The following LDB2 variants were observed in gnomAD, a reference collection of about 807,000 sequenced individuals.
LDB2 encodes the protein LIM domain binding 2.
A neutral mutation model predicts 44.3 loss-of-function variants in LDB2; 12 were observed. That is an observed-to-expected ratio of 0.27 (90% CI 0.17 to 0.44). The LOEUF (loss-of-function observed/expected upper bound fraction) is 0.44. Among genes scored for constraint, LDB2 ranks in the 20% least tolerant of loss-of-function variants. The probability of loss-of-function intolerance (pLI) is 1.00; values close to 1 mark genes in which losing one functional copy is unlikely to be tolerated. For missense variants in LDB2, 344 were observed against 473.5 expected, an observed-to-expected ratio of 0.73 and a Z score of 2.54; for synonymous variants, 164 against 174.8, an observed-to-expected ratio of 0.94 and a Z score of 0.49.
intron 5 of LDB2, among the ~76,000 whole-genome samples, chr4:16,580,431 T>A (rs1330590452): frequency 6.6e-6 from 1 of 152,204 alleles, no homozygotes; most frequent in African/African-American, 2.4e-5. Context: ...AATTCTGGAA[T>A]GACCTGAAGT....
intron 2 of LDB2, among the ~76,000 whole-genome samples, chr4:16,629,525 CCTGCAG>C (rs1453948765): frequency 2.6e-5 from 4 of 152,018 alleles, no homozygotes; most frequent in Non-Finnish European, 5.9e-5. Flanking sequence ...CTCCAGCAGA[CCTGCAG>C]CTGAGGGGCC....
intron 1 of LDB2, among the ~76,000 whole-genome samples, chr4:16,811,985 C>T (rs1198475844): frequency 6.6e-6 from 1 of 152,192 alleles, no homozygotes; most frequent in African/African-American, 2.4e-5. Context: ...AATCCTGCCC[C>T]ATCAAATCTT....
intron 2 of LDB2, among the ~76,000 whole-genome samples, chr4:16,700,136 A>G (rs1753127872): frequency 6.6e-6 from 1 of 152,172 alleles, no homozygotes; most frequent in African/African-American, 2.4e-5. Flanking sequence ...CGACCCTCAC[A>G]TCAGCACTCA....
chr4:16,889,988 C>A (rs1389478897), intron 1 of LDB2, among the ~76,000 whole-genome samples: 15 of 152,128 alleles, frequency 9.9e-5, no homozygotes, highest in Admixed American at 9.2e-4. Context: ...TGATTACCTG[C>A]AAATAAAGCC....
chr4:16,630,685 G>A (rs2152494249), intron 2 of LDB2, among the ~76,000 whole-genome samples: 1 of 152,282 alleles, frequency 6.6e-6, no homozygotes, highest in African/African-American at 2.4e-5. Context: ...TGCTGTATCA[G>A]GAGATCCATC....
intron 2 of LDB2, among the ~76,000 whole-genome samples, chr4:16,726,037 A>G (rs1759381632): frequency 2.0e-5 from 3 of 150,832 alleles, no homozygotes; most frequent in Admixed American, 2.0e-4. Flanking sequence ...TGAATTGTTT[A>G]ACGTTTTCTT....
intron 1 of LDB2, among the ~76,000 whole-genome samples, chr4:16,829,291 A>G (rs1431327749): frequency 1.3e-5 from 2 of 152,202 alleles, no homozygotes; most frequent in Non-Finnish European, 2.9e-5. Flanking sequence ...TGTTAGCACC[A>G]TATGTTTAAG....
chr4:16,524,289 A>G, intron 5 of LDB2, among the ~76,000 whole-genome samples: 1 of 152,262 alleles, frequency 6.6e-6, no homozygotes, highest in African/African-American at 2.4e-5. Flanking sequence ...TTGGAGGGAG[A>G]GACAGGTGAT....
At chr4:16,583,716 G>A (rs369044293) in intron 5 of LDB2, among the ~76,000 whole-genome samples, 1 of 152,158 alleles carries the variant, frequency 6.6e-6, no homozygotes, top group African/African-American at 2.4e-5. Flanking sequence ...TTTGAGATCC[G>A]CTCAGCCATG....
chr4:16,679,757 G>A (rs1206968273), intron 2 of LDB2, among the ~76,000 whole-genome samples: 1 of 152,192 alleles, frequency 6.6e-6, no homozygotes, highest in African/African-American at 2.4e-5. Context: ...AGGAGCTGAT[G>A]TGAGTAAGGC....
At chr4:16,534,177 G>T (rs949237095) in intron 5 of LDB2, among the ~76,000 whole-genome samples, 9 of 152,118 alleles carry the variant, frequency 5.9e-5, no homozygotes, top group African/African-American at 1.9e-4. Flanking sequence ...GTGCCTGCAG[G>T]GAGGAAACCC....
In LDB2 at chr4:16,502,303, T is replaced by C. The variant is rs1717718186; in HGVS notation, c.*340A>G. On this transcript the variant is annotated 3_prime_UTR_variant, in exon 8 of 8. Transcript: ENST00000304523. ...GAGCACTGAGCATTTATGGACAATATGGCCTTCGTTTGATGCATAAAAAGG... is the reference window on the plus strand; with the variant it reads ...GAGCACTGAGCATTTATGGACAATACGGCCTTCGTTTGATGCATAAAAAGG... 3.7e-6 allele frequency: 1 copy of C among 271,442 alleles called. No homozygotes were observed. Among genetic ancestry groups the C allele is most frequent in the Non-Finnish European group, 7.2e-6 (1 of 139,754 alleles). 16.8% of individuals were successfully genotyped at this position (271,442 alleles called of 1,614,324 possible).
intron 1 of LDB2, among the ~76,000 whole-genome samples, chr4:16,859,194 T>A (rs1711619179): frequency 6.6e-6 from 1 of 152,208 alleles, no homozygotes; most frequent in African/African-American, 2.4e-5. Context: ...CTCTGATCCC[T>A]GGGAGTCCTA....
At chr4:16,740,652 C>G (rs1360900724) in intron 2 of LDB2, among the ~76,000 whole-genome samples, 1 of 152,240 alleles carries the variant, frequency 6.6e-6, no homozygotes, top group Non-Finnish European at 1.5e-5. Context: ...TTATGCTTCT[C>G]TCTTCCATTG....
chr4:16,816,125 T>C (rs1160643765), intron 1 of LDB2, among the ~76,000 whole-genome samples: 2 of 152,064 alleles, frequency 1.3e-5, no homozygotes, highest in African/African-American at 2.4e-5. Flanking sequence ...GCAGAATTAC[T>C]TGAACCCTGG....
chr4:16,795,935 G>A (rs1452131184), intron 1 of LDB2, among the ~76,000 whole-genome samples: 4 of 152,164 alleles, frequency 2.6e-5, no homozygotes, highest in Non-Finnish European at 5.9e-5. Flanking sequence ...GTTAACCAAT[G>A]TTTGGGGTAC....
At chr4:16,653,864 C>T (rs1458854167) in intron 2 of LDB2, 1 of 152,110 alleles carries the variant, frequency 6.6e-6, no homozygotes, top group East Asian at 1.9e-4. Flanking sequence ...TCACTGTCCT[C>T]GAGGAGCCCA....
At chr4:16,768,325 CATCTT>C (rs747428317) in intron 1 of LDB2, among the ~76,000 whole-genome samples, 1 of 152,108 alleles carries the variant, frequency 6.6e-6, no homozygotes, top group Non-Finnish European at 1.5e-5. Flanking sequence ...GAGAATGTCT[CATCTT>C]ATAACCCTAC....
Position 16,512,123 on chromosome 4 carries a change from C to T in LDB2, c.616-19G>A. On this transcript the variant is annotated intron_variant, in intron 5 of 7. Coordinates refer to ENST00000304523, the MANE Select transcript of LDB2 (RefSeq NM_001290.5). ...CACACAACTGCAAGAAGTTCAAAGA[C>T]ATTGGCATTTCACTACTTCATAACA... 1 of 1,587,974 alleles carries T rather than the reference C, an allele frequency of 6.3e-7. No homozygotes were observed. Among genetic ancestry groups the T allele is most frequent in the Non-Finnish European group, 8.6e-7 (1 of 1,163,784 alleles).
Sources: allele counts gnomAD v4.1 joint callset (sites outside exome capture counted in the v4.1 genomes callset), GRCh38; gene constraint gnomAD v4.1.1; transcripts MANE v1.5; gene names NCBI Gene and HGNC (gene_info 2026-07-23, HGNC 2026-07-21).